The following CEP72 variants were observed in gnomAD, a reference collection of about 807,000 sequenced individuals.
CEP72 encodes centrosomal protein of 72 kDa.
A neutral mutation model predicts 65.7 loss-of-function variants in CEP72; 78 were observed. The ratio of observed to expected loss-of-function variants is 1.19; its 90% confidence interval spans 0.99 to 1.43. The LOEUF is 1.43. CEP72 is among the 40% of genes most tolerant of loss of function. The pLI, the probability that CEP72 is intolerant of heterozygous loss-of-function variation, is 0.00. For missense variants in CEP72, 914 were observed against 832.9 expected (o/e 1.10, Z -1.20); for synonymous variants, 358 against 351.7 (o/e 1.02, Z -0.20).
Position 645,075 on chromosome 5 carries a change from C to G in CEP72, c.1666+650C>G, listed in dbSNP as rs1045407042. On this transcript the variant is annotated intron_variant, in intron 10 of 11. Transcript: ENST00000264935. The surrounding 1 kb of genome is among the most constrained non-coding windows in gnomAD (Gnocchi z 4.0). ...CTCTTGGAAGTTTTAACTCATACTT[C>G]CCTGAGATTGACAAGTCGAGCATCT... Among the ~76,000 whole-genome samples, 1 of 152,104 alleles carries G rather than the reference C, an allele frequency of 6.6e-6. No homozygotes were observed. The highest frequency in any genetic ancestry group is 2.4e-5 in the African/African-American group (1 of 41,360).
intron 11 of CEP72, among the ~76,000 whole-genome samples, chr5:649,595 TGACTGTGAGGCGTG>T (rs1738786966): frequency 3.1e-5 from 3 of 98,306 alleles, no homozygotes; most frequent in Non-Finnish European, 4.2e-5. Context: ...GACTGAGGCG[TGACTGTGAGGCGTG>T]GACTGTGAGG....
the CEP72 span, among the ~76,000 whole-genome samples, chr5:674,703 C>T: frequency 4.6e-5 from 7 of 152,128 alleles, no homozygotes; most frequent in Non-Finnish European, 1.0e-4. Context: ...CCGCATGGCC[C>T]GCTGCTGCAG....
At chr5:665,221 C>T (rs766686208) in exon 3 of CEP72, 68 of 1,613,714 alleles carry the variant, frequency 4.2e-5, no homozygotes, top group Admixed American at 1.5e-4. Flanking sequence ...CCAGAGGGGT[C>T]GAAGCGCTCC....
In CEP72 at chr5:645,767, C is replaced by T. The variant is rs895476537; in HGVS notation, c.1666+1342C>T. On this transcript the variant is annotated intron_variant, in intron 10 of 11. Coordinates refer to ENST00000264935, the MANE Select transcript of CEP72 (RefSeq NM_018140.4). The surrounding 1 kb of genome is among the most constrained non-coding windows in gnomAD (Gnocchi z 4.0). ...AATAGTCTAACTTGTCTTTGTTACT[C>T]GGTCTTAAATGTATGCATAGCTCCC... Among the ~76,000 whole-genome samples, 3 of 152,238 alleles carry T rather than the reference C, an allele frequency of 2.0e-5. No individual in the cohort carries two copies. The highest frequency in any genetic ancestry group is 2.9e-5 in the Non-Finnish European group (2 of 68,050).
chr5:615,546 T>C (rs570174065), intron 1 of CEP72, among the ~76,000 whole-genome samples: 1 of 152,326 alleles, frequency 6.6e-6, no homozygotes, highest in South Asian at 2.1e-4. Context: ...TCTTTTCCTA[T>C]CCATTGCTTT....
chr5:612,483 C>CGGGGGGGGGG, intron 1 of CEP72, 40 bp downstream of exon 1: 1 of 474,442 alleles, frequency 2.1e-6, no homozygotes, highest in Non-Finnish European at 3.5e-6. Context: ...CGTGAGGTGG[C>CGGGGGGGGGG]GGGGGGGTGG....
chr5:619,980 G>T, intron 2 of CEP72, 89 bp from the exon 3 acceptor site: 1 of 995,436 alleles, frequency 1.0e-6, no homozygotes, highest in Non-Finnish European at 1.5e-6. Flanking sequence ...AGTTTATACA[G>T]TTGGTTGGTC....
chr5:669,326 C>G (rs946073677), downstream of CEP72, among the ~76,000 whole-genome samples: 1 of 151,810 alleles, frequency 6.6e-6, no homozygotes, highest in African/African-American at 2.4e-5. Context: ...CGTGGGGGTC[C>G]GCGGTGTTGG....
At chr5:671,826 G>C (rs547788273), downstream of CEP72, among the ~76,000 whole-genome samples, 1 of 152,246 alleles carries the variant, frequency 6.6e-6, no homozygotes, top group Non-Finnish European at 1.5e-5. Flanking sequence ...GCAAGCCCGG[G>C]ACAGGGTGGC....
In CEP72 at chr5:612,352, C is replaced by A. The variant is rs1450851245; in HGVS notation, c.-10C>A. The A allele has an allele frequency of 2.0e-6, 3 of 1,486,780 alleles. No individual in the cohort carries two copies. Among genetic ancestry groups the A allele is most frequent in the Admixed American group, 4.5e-5 (2 of 44,698 alleles). 92.1% of individuals were successfully genotyped at this position (1,486,780 alleles called of 1,614,324 possible). ...CCGCGCAGGCGCCGTCCGAGGGCTC[C>A]GTTTGAAACATGGCGCGGGCTGGCC... On this transcript the variant is annotated 5_prime_UTR_variant, in exon 1 of 12. Coordinates refer to ENST00000264935, the MANE Select transcript of CEP72 (RefSeq NM_018140.4).
chr5:643,437 C>T (rs1738192922), intron 9 of CEP72: 1 of 985,350 alleles, frequency 1.0e-6, no homozygotes, highest in African/African-American at 1.7e-5. Context: ...GTCTCAGACC[C>T]AGCGATCAGC....
At chr5:636,361 C>T (rs1043364144) in intron 6 of CEP72, among the ~76,000 whole-genome samples, 60 of 152,342 alleles carry the variant, frequency 3.9e-4, no homozygotes, top group African/African-American at 1.4e-3. Context: ...CACACCCTCC[C>T]TCACCCTCTC....
chr5:656,276 G>T (rs1261074812), downstream of CEP72, among the ~76,000 whole-genome samples: 4 of 152,154 alleles, frequency 2.6e-5, no homozygotes, highest in African/African-American at 9.7e-5. Context: ...AGGATGTCTT[G>T]GCTGTTTTTG....
chr5:668,442 A>T (rs1296884042), downstream of CEP72, among the ~76,000 whole-genome samples: 27 of 127,048 alleles, frequency 2.1e-4, 1 homozygote, highest in Non-Finnish European at 4.2e-4. Flanking sequence ...GCCGTCAGGG[A>T]AGTGCGGACA....
intron 10 of CEP72, 106 bp downstream of exon 10, chr5:644,531 C>T (rs998048026): frequency 1.1e-5 from 15 of 1,346,148 alleles, no homozygotes; most frequent in East Asian, 6.9e-5. Flanking sequence ...CAGCAGCAGA[C>T]GCAGTTGGTA....
At position 653,000 on chromosome 5, in the gene CEP72, C is replaced by T. The variant is rs1739207402; in HGVS notation, c.1791C>T (p.Ser597=). The change falls in exon 12 of 12, where the codon AGC becomes AGT. Residue 597 remains serine (S), a synonymous_variant. Coordinates refer to ENST00000264935, the MANE Select transcript of CEP72 (RefSeq NM_018140.4). ...MLQESHSSLV[S]TNEHLLQELS... is the part of the protein sequence containing the mutation. Reference sequence around the variant, plus strand: ...TGTTGTTCTGCAGCTCCCTGGTCAGCACCAATGAACACCTGCTGCAGGAGC... The same window carrying T: ...TGTTGTTCTGCAGCTCCCTGGTCAGTACCAATGAACACCTGCTGCAGGAGC... The T allele has an allele frequency of 6.2e-7, 1 of 1,610,960 alleles. No individual in the cohort carries two copies. The highest frequency in any genetic ancestry group is 1.7e-5 in the Admixed American group (1 of 59,542).
At chr5:671,150 G>T (rs1224374037), downstream of CEP72, among the ~76,000 whole-genome samples, 1 of 152,210 alleles carries the variant, frequency 6.6e-6, no homozygotes, top group Non-Finnish European at 1.5e-5. Flanking sequence ...TGCCTGAGGG[G>T]CCGCCTGGGA....
chr5:624,407 C>T lies in CEP72; in HGVS notation c.404-64C>T. 1 of 1,174,438 alleles carries T rather than the reference C, an allele frequency of 8.5e-7. No homozygotes were observed. Among genetic ancestry groups the T allele is most frequent in the Admixed American group, 1.7e-5 (1 of 57,832 alleles). The allele number at this position is 1,174,438 out of a possible 1,614,324, so 72.8% of individuals were successfully genotyped here. A position where few individuals can be genotyped will look rare whatever the true frequency, so the allele number is the denominator to read the frequency against. ...GGACACCCTGCCCCGTGTAGATGCC[C>T]CAGGGTGGATGCAGCCGCCCGCCGC... On this transcript the variant is annotated intron_variant, in intron 3 of 11. Transcript: ENST00000264935. This position sits in a 1 kb window ranked among gnomAD's most constrained non-coding sequence, Gnocchi z 4.7.
downstream of CEP72, among the ~76,000 whole-genome samples, chr5:671,727 G>A (rs1239818013): frequency 1.3e-5 from 2 of 152,220 alleles, no homozygotes; most frequent in Non-Finnish European, 2.9e-5. Flanking sequence ...TCCACTCTGC[G>A]GAAGCCACGT....
Sources: gnomAD v4.1 joint callset for allele counts (sites outside exome capture counted in the v4.1 genomes callset) on GRCh38, gnomAD v4.1.1 for gene constraint, Gnocchi (gnomAD v3.1) non-coding constraint, MANE v1.5 for transcripts, NCBI Gene and HGNC (gene_info 2026-07-23, HGNC 2026-07-21) for gene names.